Variants in DLGAP2 observed in about 807,000 individuals in gnomAD.
The protein encoded by DLGAP2 is disks large-associated protein 2.
DLGAP2 carries 26 observed loss-of-function variants against 100.3 expected under a neutral mutation model. The observed-to-expected ratio is 0.26, with a 90% CI of 0.19 to 0.36. The LOEUF is 0.36. Ranked by LOEUF, DLGAP2 falls within the 10% of genes least tolerant of loss-of-function variation. DLGAP2 has a pLI of 1.00. For synonymous variants in DLGAP2, 886 were observed against 630.1 expected (o/e 1.41, Z -6.08); for missense variants, 1,858 against 1,453.2 (o/e 1.28, Z -4.53).
intron 2 of DLGAP2, among the ~76,000 whole-genome samples, chr8:1,191,031 G>A (rs1174989449): frequency 6.6e-6 from 1 of 152,170 alleles, no homozygotes; most frequent in African/African-American, 2.4e-5. Context: ...AGTCCAGCAG[G>A]TCCAGGATGA....
chr8:1,284,751 A>C (rs1585222279), intron 3 of DLGAP2, among the ~76,000 whole-genome samples: 1 of 152,290 alleles, frequency 6.6e-6, no homozygotes, highest in South Asian at 2.1e-4. Flanking sequence ...AGCTGGGACC[A>C]CAGGCAGGTG....
At chr8:1,091,657 C>T (rs1318276230) in intron 2 of DLGAP2, among the ~76,000 whole-genome samples, 1 of 152,084 alleles carries the variant, frequency 6.6e-6, no homozygotes, top group Non-Finnish European at 1.5e-5. Context: ...ATCATGATGC[C>T]GGATGCTATG....
At position 1,463,126 on chromosome 8, in the gene DLGAP2, G is replaced by A. The variant is rs990779770; in HGVS notation, c.107-38240G>A. On this transcript the variant is annotated intron_variant, in intron 3 of 14. Transcript: ENST00000637795. ...TAGCCTGGCGTGGTGGTGTGTGCCC[G>A]TAATCCCCGCTACTCGGGAGGCTGA... Among the ~76,000 whole-genome samples, 6 of 152,104 alleles carry A rather than the reference G, an allele frequency of 3.9e-5. No homozygotes were observed. The South Asian group carries it at 6.2e-4, about 16-fold the overall frequency.
intron 2 of DLGAP2, among the ~76,000 whole-genome samples, chr8:1,070,115 A>C (rs1282545225): frequency 6.6e-6 from 1 of 152,208 alleles, no homozygotes; most frequent in Non-Finnish European, 1.5e-5. Flanking sequence ...ACTTGAGGAA[A>C]ACCTGAGAAG....
At chr8:1,237,855 G>GTT (rs1186357893) in intron 2 of DLGAP2, among the ~76,000 whole-genome samples, 1 of 10,588 alleles carries the variant, frequency 9.4e-5, no homozygotes, top group Non-Finnish European at 1.8e-4. Context: ...GCCATGTCTA[G>GTT]TTCTCTCACA....
chr8:1,180,428 C>G (rs544776630), intron 2 of DLGAP2, among the ~76,000 whole-genome samples: 2 of 152,236 alleles, frequency 1.3e-5, no homozygotes, highest in Non-Finnish European at 2.9e-5. Flanking sequence ...TGGTCTTGAG[C>G]TCAAGCAGTC....
intron 2 of DLGAP2, among the ~76,000 whole-genome samples, chr8:1,141,629 A>G (rs1304259246): frequency 6.6e-6 from 1 of 152,208 alleles, no homozygotes; most frequent in Non-Finnish European, 1.5e-5. Context: ...ACTCAAAGAC[A>G]TGGGTAAGTA....
chr8:1,253,880 G>T (rs571578233), intron 2 of DLGAP2, among the ~76,000 whole-genome samples: 1 of 152,232 alleles, frequency 6.6e-6, no homozygotes, highest in Non-Finnish European at 1.5e-5. Context: ...CTGTGAGTAC[G>T]CTTGCTGTGT....
At chr8:1,155,434 C>A (rs907897640) in intron 2 of DLGAP2, among the ~76,000 whole-genome samples, 2 of 152,168 alleles carry the variant, frequency 1.3e-5, no homozygotes. Flanking sequence ...GCGGGCGCAC[C>A]GGCTTCCCTG....
chr8:1,301,477 A>G (rs971244748), intron 3 of DLGAP2: 1 of 151,800 alleles, frequency 6.6e-6, no homozygotes, highest in African/African-American at 2.4e-5. Flanking sequence ...TTTTTTGAAG[A>G]TGATCAGCTC....
At chr8:1,618,266 G>C (rs1202223504) in intron 6 of DLGAP2, among the ~76,000 whole-genome samples, 1 of 152,148 alleles carries the variant, frequency 6.6e-6, no homozygotes, top group Non-Finnish European at 1.5e-5. Context: ...ATTCATCAAG[G>C]CTAGGACATG....
At chr8:1,364,139 T>A (rs1802051664) in intron 3 of DLGAP2, among the ~76,000 whole-genome samples, 1 of 152,084 alleles carries the variant, frequency 6.6e-6, no homozygotes. Context: ...CCTGAGCCCG[T>A]CTCCCGTGCC....
intron 10 of DLGAP2, 105 bp downstream of exon 10, chr8:1,669,889 A>G (rs1002672443): frequency 3.2e-5 from 24 of 751,712 alleles, no homozygotes; most frequent in East Asian, 2.7e-4. Flanking sequence ...TCCTGATTCT[A>G]TGTGCCAGGC....
At position 1,502,817 on chromosome 8, in the gene DLGAP2, C is replaced by G. The variant is rs143087240; in HGVS notation, c.172+1386C>G. 2.3e-3 allele frequency among the ~76,000 whole-genome samples: 347 copies of G among 152,340 alleles called. 2 individuals carry two copies. The highest frequency in any genetic ancestry group is 7.8e-3 in the African/African-American group (326 of 41,568). On this transcript the variant is annotated intron_variant, in intron 4 of 14. Transcript: ENST00000637795. ...GACAATGTTAATGTCATAGTTGTGT[C>G]TATTCCAGTTCTTCTCCATAGCAGC...
At chr8:1,069,756 A>C (rs896994360) in intron 2 of DLGAP2, among the ~76,000 whole-genome samples, 1 of 152,138 alleles carries the variant, frequency 6.6e-6, no homozygotes, top group African/African-American at 2.4e-5. Flanking sequence ...GAGGGCTTGG[A>C]ATTCAACATC....
In DLGAP2 at chr8:1,442,411, C is replaced by T. The variant is rs1331405459; in HGVS notation, c.107-58955C>T. Reference sequence around the variant, plus strand: ...GGAGACGGATCCGGGCATAGACCCGCCAGGCTGCTGTGGGTTCAGCCACTG... The same window carrying T: ...GGAGACGGATCCGGGCATAGACCCGTCAGGCTGCTGTGGGTTCAGCCACTG... On this transcript the variant is annotated intron_variant, in intron 3 of 14. Transcript: ENST00000637795. 2.0e-5 allele frequency among the ~76,000 whole-genome samples: 3 copies of T among 149,632 alleles called. No homozygotes were observed. The East Asian group carries it at 6.0e-4, about 30-fold the overall frequency.
chr8:1,183,930 A>G (rs982665901), intron 2 of DLGAP2, among the ~76,000 whole-genome samples: 4 of 152,326 alleles, frequency 2.6e-5, no homozygotes, highest in African/African-American at 9.6e-5. Flanking sequence ...GCATTTAATC[A>G]TTGCGTGATT....
chr8:758,342 C>T (rs561672402), intron 1 of DLGAP2, among the ~76,000 whole-genome samples: 56 of 152,240 alleles, frequency 3.7e-4, no homozygotes, highest in African/African-American at 1.2e-3. Flanking sequence ...AGGGTTACCT[C>T]GTTTCCCTGT....
At chr8:1,664,261 C>A (rs569332842) in intron 8 of DLGAP2, among the ~76,000 whole-genome samples, 6 of 152,276 alleles carry the variant, frequency 3.9e-5, no homozygotes, top group African/African-American at 1.4e-4. Flanking sequence ...GCCACGTCTA[C>A]TAGCCCTTCC....
Sources: allele counts gnomAD v4.1 joint callset (sites outside exome capture counted in the v4.1 genomes callset), GRCh38; gene constraint gnomAD v4.1.1; transcripts MANE v1.5; gene names NCBI Gene and HGNC (gene_info 2026-07-23, HGNC 2026-07-21).